The following JMJD1C variants were observed in gnomAD, a reference collection of about 807,000 sequenced individuals.
JMJD1C encodes the protein jumonji domain-containing protein 1C.
In JMJD1C, 31 loss-of-function variants were observed where a neutral mutation model predicts 245.3. The ratio of observed to expected loss-of-function variants is 0.13; its 90% CI spans 0.09 to 0.17. The LOEUF is 0.17. Among genes scored for constraint, JMJD1C ranks in the 10% least tolerant of loss-of-function variants. JMJD1C has a pLI of 1.00. For synonymous variants in JMJD1C, 1,057 were observed against 1,017.4 expected, an observed-to-expected ratio of 1.04 and a Z score of -0.74; for missense variants, 2,691 against 3,000.2, an observed-to-expected ratio of 0.90 and a Z score of 2.41.
At chr10:63,304,824 T>C (rs1022285136) in intron 2 of JMJD1C, among the ~76,000 whole-genome samples, 3 of 152,080 alleles carry the variant, frequency 2.0e-5, no homozygotes, top group Non-Finnish European at 4.4e-5. Context: ...AGCAAATTGG[T>C]AAATAGCCAA....
intron 2 of JMJD1C, among the ~76,000 whole-genome samples, chr10:63,280,265 G>A (rs1405320645): frequency 6.6e-6 from 1 of 151,270 alleles, no homozygotes; most frequent in African/African-American, 2.4e-5. Context: ...AAAAGTTAGT[G>A]TAGGCCACAC....
chr10:63,289,255 T>A (rs1035547235), intron 2 of JMJD1C, among the ~76,000 whole-genome samples: 6 of 152,174 alleles, frequency 3.9e-5, no homozygotes, highest in African/African-American at 1.4e-4. Context: ...CAGTTCATTC[T>A]TTTCATAGTC....
chr10:63,293,501 G>C (rs1306787022), intron 2 of JMJD1C, among the ~76,000 whole-genome samples: 1 of 152,030 alleles, frequency 6.6e-6, no homozygotes, highest in Non-Finnish European at 1.5e-5. Flanking sequence ...TGTAATATTT[G>C]TTTTTCCTTC....
intron 3 of JMJD1C, among the ~76,000 whole-genome samples, chr10:63,248,529 G>A (rs61855468): frequency 4.4e-5 from 6 of 137,058 alleles, no homozygotes; most frequent in Admixed American, 3.0e-4. Context: ...TCAATAGATA[G>A]ATAAATAAAT....
Position 63,193,134 on chromosome 10 carries a change from A to G in JMJD1C, c.5880T>C (p.Leu1960=). 1.2e-6 allele frequency: 2 copies of G among 1,612,766 alleles called. No individual in the cohort carries two copies. Among genetic ancestry groups the G allele is most frequent in the Non-Finnish European group, 1.7e-6 (2 of 1,179,116 alleles). Reference sequence around the variant, plus strand: ...ACAGAGAAATTTTATTACTGTGATTAAGAACATTCTGTAAAACCTACAAAG... The same window carrying G: ...ACAGAGAAATTTTATTACTGTGATTGAGAACATTCTGTAAAACCTACAAAG... The part of the protein sequence containing the change: ...NGVSQVLQNV[L]NHSNKISLCM... The change falls in exon 16 of 26, where the codon CTT becomes CTC. Residue 1960 remains leucine, a synonymous_variant. Coordinates refer to ENST00000399262, the MANE Select transcript of JMJD1C (RefSeq NM_032776.3).
chr10:63,519,387 G>A (rs919167118), intron 1 of JMJD1C, among the ~76,000 whole-genome samples: 3 of 152,150 alleles, frequency 2.0e-5, no homozygotes, highest in African/African-American at 7.2e-5. Context: ...TCCAATGTAC[G>A]TGGCTGAAAT....
At chr10:63,460,026 A>C (rs1374503561) in intron 1 of JMJD1C, among the ~76,000 whole-genome samples, 1 of 152,124 alleles carries the variant, frequency 6.6e-6, no homozygotes, top group Non-Finnish European at 1.5e-5. Context: ...TACCCACACA[A>C]TGCTATCCTT....
At chr10:63,329,476 T>C (rs865995284) in intron 2 of JMJD1C, among the ~76,000 whole-genome samples, 9 of 35,072 alleles carry the variant, frequency 2.6e-4, no homozygotes, top group African/African-American at 8.7e-4. Context: ...TCTCCATCAA[T>C]TGAAAAAAAA....
chr10:63,168,260 G>GTGTT (rs1349137775), intron 25 of JMJD1C, 126 bp from the exon 26 acceptor site: 1 of 992,188 alleles, frequency 1.0e-6, no homozygotes, highest in Non-Finnish European at 1.5e-6. Context: ...ATGTTTGAAA[G>GTGTT]TGTTAAGCCA....
At chr10:63,192,912 A>G in intron 16 of JMJD1C, 26 bp downstream of exon 16, 1 of 1,533,262 alleles carries the variant, frequency 6.5e-7, no homozygotes, top group Non-Finnish European at 9.0e-7. Flanking sequence ...CCTCTCACAC[A>G]TGCCTAGATA....
At chr10:63,259,565 A>T (rs745716888) in intron 3 of JMJD1C, among the ~76,000 whole-genome samples, 8 of 152,222 alleles carry the variant, frequency 5.3e-5, no homozygotes, top group Non-Finnish European at 7.3e-5. Context: ...AATTTATATG[A>T]TCAATGATGA....
intron 3 of JMJD1C, among the ~76,000 whole-genome samples, chr10:63,253,052 T>A (rs1309369096): frequency 6.6e-6 from 1 of 152,244 alleles, no homozygotes; most frequent in Non-Finnish European, 1.5e-5. Context: ...GACATTGATC[T>A]GGTATTTCAG....
intron 1 of JMJD1C, among the ~76,000 whole-genome samples, chr10:63,386,739 G>C (rs999515824): frequency 1.3e-5 from 2 of 152,148 alleles, no homozygotes; most frequent in African/African-American, 4.8e-5. Context: ...CCAGGGGGTT[G>C]TCTTGCCACT....
chr10:63,234,143 G>C (rs1850357887), intron 3 of JMJD1C, among the ~76,000 whole-genome samples: 1 of 151,572 alleles, frequency 6.6e-6, no homozygotes, highest in Admixed American at 6.7e-5. Flanking sequence ...CACATTAAAA[G>C]GTGGACTTAA....
At chr10:63,177,547 C>A in intron 23 of JMJD1C, 170 bp downstream of exon 23, 1 of 656,786 alleles carries the variant, frequency 1.5e-6, no homozygotes, top group Non-Finnish European at 2.6e-6. Flanking sequence ...AACAGACTTT[C>A]AAAGAGGAGC....
chr10:63,480,607 T>C (rs911824778), intron 1 of JMJD1C, among the ~76,000 whole-genome samples: 2 of 144,148 alleles, frequency 1.4e-5, no homozygotes, highest in African/African-American at 2.6e-5. Context: ...GTGGATGTTA[T>C]TGACAATTTA....
At chr10:63,435,911 T>A (rs1173520455) in intron 1 of JMJD1C, among the ~76,000 whole-genome samples, 1 of 151,942 alleles carries the variant, frequency 6.6e-6, no homozygotes, top group Admixed American at 6.6e-5. Context: ...ACAAACAAAC[T>A]AAAAAAGAGT....
chr10:63,496,540 T>C (rs1261301093), intron 1 of JMJD1C, among the ~76,000 whole-genome samples: 1 of 152,194 alleles, frequency 6.6e-6, no homozygotes, highest in African/African-American at 2.4e-5. Context: ...GGAGAGTCCC[T>C]TGAATTCAGA....
At chr10:63,213,389 T>C in intron 8 of JMJD1C, 84 bp downstream of exon 8, 1 of 854,518 alleles carries the variant, frequency 1.2e-6, no homozygotes, top group South Asian at 2.1e-5. Context: ...GGAAATGACC[T>C]AAAAAATAGA....
Sources: allele counts gnomAD v4.1 joint callset (sites outside exome capture counted in the v4.1 genomes callset), GRCh38; gene constraint gnomAD v4.1.1; transcripts MANE v1.5; gene names NCBI Gene and HGNC (gene_info 2026-07-23, HGNC 2026-07-21).